The following ZHX3 variants were observed in gnomAD, a reference collection of about 807,000 sequenced individuals.
ZHX3 encodes the protein zinc fingers and homeoboxes 3.
In ZHX3, 20 loss-of-function variants were observed where a neutral mutation model predicts 64.5. The observed-to-expected ratio is 0.31, with a 90% CI of 0.22 to 0.45. The LOEUF (loss-of-function observed/expected upper bound fraction) is 0.45. ZHX3 is among the 20% of genes least tolerant of loss of function. The pLI, the probability that ZHX3 is intolerant of heterozygous loss-of-function variation, is 1.00. For synonymous variants in ZHX3, 423 were observed against 461.6 expected (o/e 0.92, Z 1.07); for missense variants, 1,041 against 1,195.8 (o/e 0.87, Z 1.91).
chr20:41,255,473 C>T (rs2042200539), intron 2 of ZHX3, among the ~76,000 whole-genome samples: 1 of 152,142 alleles, frequency 6.6e-6, no homozygotes, highest in Non-Finnish European at 1.5e-5. Context: ...TTCTTACACT[C>T]CACCAGGTTC....
At chr20:41,310,058 T>A (rs1164075838) in intron 1 of ZHX3, among the ~76,000 whole-genome samples, 1 of 152,140 alleles carries the variant, frequency 6.6e-6, no homozygotes, top group Non-Finnish European at 1.5e-5. Context: ...CTCCTCCCCA[T>A]CTAGCCTAGA....
intron 1 of ZHX3, among the ~76,000 whole-genome samples, chr20:41,302,641 A>G (rs993902285): frequency 7.2e-5 from 11 of 152,348 alleles, no homozygotes; most frequent in African/African-American, 2.6e-4. Context: ...TCTCTCTTTT[A>G]GCCTTGGTCA....
intron 2 of ZHX3, among the ~76,000 whole-genome samples, chr20:41,265,495 C>G (rs577759670): frequency 6.6e-6 from 1 of 152,246 alleles, no homozygotes; most frequent in African/African-American, 2.4e-5. Context: ...AGCCACCGCG[C>G]CCGGCCGTTA....
chr20:41,218,137 C>T (rs1478065674), intron 2 of ZHX3, among the ~76,000 whole-genome samples: 2 of 151,972 alleles, frequency 1.3e-5, no homozygotes, highest in Non-Finnish European at 2.9e-5. Context: ...CAGAGCAAGA[C>T]CCTGTCTCCT....
At chr20:41,297,181 G>C (rs2044574781) in intron 1 of ZHX3, among the ~76,000 whole-genome samples, 1 of 152,208 alleles carries the variant, frequency 6.6e-6, no homozygotes, top group Non-Finnish European at 1.5e-5. Context: ...TGGGGTTTCA[G>C]ATTGAGATGC....
intron 2 of ZHX3, among the ~76,000 whole-genome samples, chr20:41,249,002 A>G (rs558354434): frequency 2.0e-5 from 3 of 152,358 alleles, no homozygotes; most frequent in African/African-American, 7.2e-5. Context: ...AATAGTATGC[A>G]ATTTTAACCT....
chr20:41,216,560 C>A (rs2039549407), intron 2 of ZHX3, among the ~76,000 whole-genome samples: 1 of 152,180 alleles, frequency 6.6e-6, no homozygotes, highest in African/African-American at 2.4e-5. Flanking sequence ...TAGTTTACCT[C>A]AGTCTTTTAA....
chr20:41,317,338 A>T (rs2045317319), intron 1 of ZHX3, among the ~76,000 whole-genome samples, 171 bp downstream of exon 1: 1 of 151,958 alleles, frequency 6.6e-6, no homozygotes, highest in South Asian at 2.1e-4. Flanking sequence ...CAGAAAGACC[A>T]GGGGCAGCCG....
chr20:41,242,581 T>C (rs753791045), intron 2 of ZHX3, among the ~76,000 whole-genome samples: 1 of 152,130 alleles, frequency 6.6e-6, no homozygotes, highest in African/African-American at 2.4e-5. Context: ...TCAAACACAA[T>C]CTGTCTGCTG....
At chr20:41,221,929 T>G (rs1257866711) in intron 2 of ZHX3, among the ~76,000 whole-genome samples, 1 of 151,996 alleles carries the variant, frequency 6.6e-6, no homozygotes, top group Admixed American at 6.5e-5. Context: ...GAGGCTGTGG[T>G]AGGGGGCAGG....
chr20:41,196,206 G>A (rs940324813), intron 3 of ZHX3, among the ~76,000 whole-genome samples: 8 of 140,972 alleles, frequency 5.7e-5, no homozygotes, highest in Non-Finnish European at 1.2e-4. Flanking sequence ...AACTATTTTT[G>A]TCTTTCTCCC....
chr20:41,204,991 C>A lies in ZHX3; in HGVS notation c.-75G>T. 8 of 1,434,834 alleles carry A rather than the reference C, an allele frequency of 5.6e-6. No homozygotes were observed. The highest frequency in any genetic ancestry group is 7.3e-6 in the Non-Finnish European group (8 of 1,092,400). The allele number at this position is 1,434,834 out of a possible 1,614,324, so 88.9% of individuals were successfully genotyped here. On this transcript the variant is annotated 5_prime_UTR_variant, in exon 3 of 4. Transcript: ENST00000683867. This position sits in a 1 kb window ranked among gnomAD's most constrained non-coding sequence, Gnocchi z 6.6. ...CCTAACAATACAAGTTCCAGCTTCT[C>A]GATGAGGGCCAAAGAAACAGTTTCT...
chr20:41,258,732 G>A (rs1430644729), intron 2 of ZHX3, among the ~76,000 whole-genome samples: 1 of 152,178 alleles, frequency 6.6e-6, no homozygotes, highest in Non-Finnish European at 1.5e-5. Flanking sequence ...TGACCTCTTG[G>A]TTAAGGTGGT....
chr20:41,283,664 G>A lies in ZHX3; in HGVS notation c.-244-14581C>T, dbSNP rs12480948. On this transcript the variant is annotated intron_variant, in intron 1 of 3. Coordinates refer to ENST00000683867, the MANE Select transcript of ZHX3 (RefSeq NM_001384317.1). ...CCCAGCTACTCAGGAGGCTGAGGCA[G>A]TAGAATGATGTGAACCTGGGAGGCG... Among the ~76,000 whole-genome samples, 951 of 152,220 alleles carry A rather than the reference G, an allele frequency of 6.2e-3. 22 individuals carry two copies. The highest frequency in any genetic ancestry group is 0.044 in the East Asian group (229 of 5,174).
rs945813460 is a variant in ZHX3, at chr20:41,219,607, T to G, written c.-150-14541A>C. 6.6e-6 allele frequency among the ~76,000 whole-genome samples: 1 copy of G among 152,152 alleles called. No individual in the cohort carries two copies. The highest frequency in any genetic ancestry group is 2.1e-4 in the South Asian group (1 of 4,828). On this transcript the variant is annotated intron_variant, in intron 2 of 3. Coordinates refer to ENST00000683867, the MANE Select transcript of ZHX3 (RefSeq NM_001384317.1). This position sits in a 1 kb window ranked among gnomAD's most constrained non-coding sequence, Gnocchi z 5.0. ...AATTTGTTTTTTCTCTCAAATAGAG[T>G]TGAGGACTTACTATGTGCTAGGCAC...
chr20:41,222,745 T>G (rs1394078282), intron 2 of ZHX3, among the ~76,000 whole-genome samples: 1 of 152,208 alleles, frequency 6.6e-6, no homozygotes, highest in Non-Finnish European at 1.5e-5. Context: ...TTATTAAATT[T>G]AAAACTAAAC....
At chr20:41,257,129 T>G (rs2042299154) in intron 2 of ZHX3, among the ~76,000 whole-genome samples, 1 of 152,192 alleles carries the variant, frequency 6.6e-6, no homozygotes, top group African/African-American at 2.4e-5. Context: ...TCCAGAAGAT[T>G]GTGTGGTCAC....
rs772226385 is a variant in ZHX3 at position 41,203,682 on chromosome 20, C to T, written c.1235G>A (p.Gly412Asp). 1.1e-5 allele frequency: 18 copies of T among 1,614,130 alleles called. No individual in the cohort carries two copies. Among genetic ancestry groups the T allele is most frequent in the Non-Finnish European group, 1.4e-5 (17 of 1,180,000 alleles). ...VQHLIQAALPGHVVGQPEGTG... is the reference protein window; with the variant it reads ...VQHLIQAALPDHVVGQPEGTG... Reference sequence around the variant, plus strand: ...ACCCTCTGGCTGCCCCACAACGTGACCTGGAAGAGCGGCCTGGATGAGATG... The same window carrying T: ...ACCCTCTGGCTGCCCCACAACGTGATCTGGAAGAGCGGCCTGGATGAGATG... Residue 412 changes from glycine (G) to aspartate (D), a missense_variant, in exon 3 of 4, where the codon GGT becomes GAT. Transcript: ENST00000683867. The surrounding 1 kb of genome is among the most constrained non-coding windows in gnomAD (Gnocchi z 7.1).
rs1297553377 is a variant in ZHX3 at position 41,202,625 on chromosome 20, T to C, written c.2292A>G (p.Pro764=). Residue 764 remains proline, a synonymous_variant, in exon 3 of 4, where the codon CCA becomes CCG. Transcript: ENST00000683867. The surrounding 1 kb of genome is among the most constrained non-coding windows in gnomAD (Gnocchi z 7.0). The part of the protein sequence containing the change: ...DESNKLAEQL[P]GKVSCKKTAQ... The stretch of plus-strand genomic sequence containing the variant: ...CAGTCTTTTTGCAGCTCACTTTGCC[T>C]GGGAGCTGCTCTGCCAGTTTGTTTG... 7 of 1,613,796 alleles carry C rather than the reference T, an allele frequency of 4.3e-6. No individual in the cohort carries two copies. Among genetic ancestry groups the C allele is most frequent in the African/African-American group, 1.3e-5 (1 of 74,912 alleles).
Sources: gnomAD v4.1 joint callset for allele counts (sites outside exome capture counted in the v4.1 genomes callset) on GRCh38, gnomAD v4.1.1 for gene constraint, Gnocchi (gnomAD v3.1) non-coding constraint, MANE v1.5 for transcripts, NCBI Gene and HGNC (gene_info 2026-07-23, HGNC 2026-07-21) for gene names.